MAP3K7CL: variants seen among roughly 807,000 people sequenced by gnomAD.
The protein encoded by MAP3K7CL is MAP3K7 C-terminal like, also known as MAP3K7 C-terminal-like protein.
A neutral mutation model predicts 18.6 loss-of-function variants in MAP3K7CL; 16 were observed. The observed-to-expected ratio is 0.86, with a 90% CI of 0.58 to 1.31. The LOEUF is 1.31. Among genes scored for constraint, MAP3K7CL ranks in the 50% most tolerant of loss-of-function variants. The pLI, the probability that MAP3K7CL is intolerant of heterozygous loss-of-function variation, is 0.00. For missense variants in MAP3K7CL, 163 were observed against 174.4 expected (o/e 0.93, Z 0.37); for synonymous variants, 65 against 66.8 (o/e 0.97, Z 0.13).
At chr21:29,100,853 C>T (rs1442063141) in intron 4 of MAP3K7CL, among the ~76,000 whole-genome samples, 1 of 151,586 alleles carries the variant, frequency 6.6e-6, no homozygotes, top group Non-Finnish European at 1.5e-5. Flanking sequence ...GCTGGGACTA[C>T]AGGTGCCCGC....
intron 4 of MAP3K7CL, among the ~76,000 whole-genome samples, chr21:29,104,582 G>T (rs762148522): frequency 6.6e-5 from 10 of 152,214 alleles, no homozygotes; most frequent in Non-Finnish European, 1.3e-4. Flanking sequence ...AGCCGGGAAA[G>T]CTTGTCTGGA....
At chr21:29,115,509 A>C (rs952137950) in intron 4 of MAP3K7CL, among the ~76,000 whole-genome samples, 4 of 152,216 alleles carry the variant, frequency 2.6e-5, no homozygotes, top group Admixed American at 6.5e-5. Flanking sequence ...AGGGGGCCAG[A>C]GTGGTCACAG....
At chr21:29,078,548 G>T (rs1299411622) in intron 1 of MAP3K7CL, among the ~76,000 whole-genome samples, 1 of 152,128 alleles carries the variant, frequency 6.6e-6, no homozygotes, top group Non-Finnish European at 1.5e-5. Context: ...ATCAGAGAAG[G>T]AGAGACTTTA....
At chr21:29,146,777 G>C (rs2087137473) in intron 2 of MAP3K7CL, among the ~76,000 whole-genome samples, 1 of 152,192 alleles carries the variant, frequency 6.6e-6, no homozygotes. Flanking sequence ...TGGAAGTATT[G>C]TTATACTACT....
intron 4 of MAP3K7CL, among the ~76,000 whole-genome samples, chr21:29,121,114 G>T (rs1410691597): frequency 1.5e-5 from 2 of 131,754 alleles, no homozygotes; most frequent in African/African-American, 2.9e-5. Context: ...CTTCATTCAT[G>T]AAACCGTATT....
upstream of MAP3K7CL, among the ~76,000 whole-genome samples, chr21:29,129,329 C>T (rs140510975): frequency 7.3e-3 from 1,106 of 152,284 alleles, 12 homozygotes; most frequent in African/African-American, 0.025. Context: ...CATGCACCAC[C>T]TATTCATCCT....
At chr21:29,096,917 A>C (rs917357602) in intron 4 of MAP3K7CL, among the ~76,000 whole-genome samples, 1 of 152,194 alleles carries the variant, frequency 6.6e-6, no homozygotes, top group African/African-American at 2.4e-5. Flanking sequence ...CAGGTAGTTC[A>C]AGGTTTACAG....
chr21:29,155,064 TTGTAC>T (rs1660561203), intron 3 of MAP3K7CL, among the ~76,000 whole-genome samples: 1 of 152,246 alleles, frequency 6.6e-6, no homozygotes, highest in Non-Finnish European at 1.5e-5. Context: ...AGTGCTCAAC[TTGTAC>T]TGTAATGTAG....
chr21:29,088,310 T>G (rs1452738430), intron 1 of MAP3K7CL, among the ~76,000 whole-genome samples: 2 of 152,240 alleles, frequency 1.3e-5, no homozygotes, highest in Non-Finnish European at 2.9e-5. Context: ...AAATAATAAA[T>G]GCTATCACCT....
intron 4 of MAP3K7CL, among the ~76,000 whole-genome samples, chr21:29,164,529 T>C (rs2146743121): frequency 6.6e-6 from 1 of 152,334 alleles, no homozygotes; most frequent in East Asian, 1.9e-4. Context: ...CTCTCTCATC[T>C]CCAGAGGAGG....
chr21:29,157,795 G>A (rs1282948579), intron 3 of MAP3K7CL, among the ~76,000 whole-genome samples: 1 of 152,162 alleles, frequency 6.6e-6, no homozygotes, highest in African/African-American at 2.4e-5. Flanking sequence ...GTAAGCTGGG[G>A]GTGAGGCAGG....
At chr21:29,111,398 T>C (rs910061890) in intron 4 of MAP3K7CL, among the ~76,000 whole-genome samples, 1 of 152,180 alleles carries the variant, frequency 6.6e-6, no homozygotes, top group African/African-American at 2.4e-5. Flanking sequence ...GGTGGGCTTA[T>C]GGAGTACAGA....
chr21:29,141,026 G>A (rs750395415), intron 2 of MAP3K7CL, among the ~76,000 whole-genome samples: 1 of 152,092 alleles, frequency 6.6e-6, no homozygotes, highest in Non-Finnish European at 1.5e-5. Context: ...ATCCACTCAC[G>A]TCAGCCTCCC....
At chr21:29,136,537 T>A (rs1322301430) in intron 2 of MAP3K7CL, among the ~76,000 whole-genome samples, 1 of 151,760 alleles carries the variant, frequency 6.6e-6, no homozygotes, top group African/African-American at 2.4e-5. Context: ...ATTTTATTTT[T>A]TTTTTGAGAC....
intron 2 of MAP3K7CL, among the ~76,000 whole-genome samples, chr21:29,148,082 A>G (rs948167946): frequency 1.3e-5 from 2 of 151,734 alleles, no homozygotes; most frequent in Non-Finnish European, 2.9e-5. Context: ...TCTGTGCTAT[A>G]TCTCTATTAT....
chr21:29,095,196 C>T (rs991532588), intron 4 of MAP3K7CL, among the ~76,000 whole-genome samples: 1 of 151,994 alleles, frequency 6.6e-6, no homozygotes, highest in Non-Finnish European at 1.5e-5. Flanking sequence ...ACCCCTGCAC[C>T]CACATGTATG....
intron 1 of MAP3K7CL, among the ~76,000 whole-genome samples, chr21:29,090,983 A>G (rs1181318455): frequency 6.6e-6 from 1 of 152,198 alleles, no homozygotes; most frequent in Non-Finnish European, 1.5e-5. Flanking sequence ...CAATTTTATC[A>G]TTTCAACATT....
rs574216481 is a variant in MAP3K7CL at position 29,102,048 on chromosome 21, CA to C, written c.370+9469del. On this transcript the variant is annotated intron_variant, in intron 4 of 6. Coordinates refer to the MAP3K7CL transcript ENST00000286791. ...CACAGTCAGGATCTAAAGAAAGTAC[CA>C]AGATTGGGGCTAAATCATGTAAACA... Among the ~76,000 whole-genome samples, 5 of 152,234 alleles carry C rather than the reference CA, an allele frequency of 3.3e-5. 1 individual carries two copies. The South Asian group carries it at 8.3e-4, about 25-fold the overall frequency.
chr21:29,137,094 T>C (rs2086902405), intron 2 of MAP3K7CL, among the ~76,000 whole-genome samples: 1 of 152,238 alleles, frequency 6.6e-6, no homozygotes, highest in African/African-American at 2.4e-5. Flanking sequence ...GAGTGCTTGA[T>C]ACAAATTAAG....
Sources: gnomAD v4.1 joint callset for allele counts (sites outside exome capture counted in the v4.1 genomes callset) on GRCh38, gnomAD v4.1.1 for gene constraint, MANE v1.5 for transcripts, NCBI Gene and HGNC (gene_info 2026-07-23, HGNC 2026-07-21) for gene names.